Variants in ZNF264 observed in about 807,000 individuals in gnomAD.
ZNF264 encodes zinc finger protein 264.
In ZNF264, 11 loss-of-function variants were observed where a neutral mutation model predicts 11.2. The observed-to-expected ratio is 0.98, with a 90% CI of 0.62 to 1.63. The LOEUF (loss-of-function observed/expected upper bound fraction) is 1.63. Ranked by LOEUF, ZNF264 falls within the 40% of genes most tolerant of loss-of-function variation. The pLI, the probability that ZNF264 is intolerant of heterozygous loss-of-function variation, is 0.00. For missense variants in ZNF264, 752 were observed against 768.1 expected (o/e 0.98, Z 0.25); for synonymous variants, 309 against 279.8 (o/e 1.10, Z -1.04).
At chr19:57,199,760 G>A (rs1394278450) in intron 2 of ZNF264, among the ~76,000 whole-genome samples, 3 of 151,806 alleles carry the variant, frequency 2.0e-5, no homozygotes, top group East Asian at 1.9e-4. Flanking sequence ...TGGGCCCATC[G>A]GGACTTTAGT....
intron 2 of ZNF264, among the ~76,000 whole-genome samples, chr19:57,195,428 A>T (rs1360915147): frequency 6.6e-6 from 1 of 152,242 alleles, no homozygotes; most frequent in Non-Finnish European, 1.5e-5. Context: ...CGTAGTTGGT[A>T]TTAATGACTA....
chr19:57,211,865 GAGGCCCTATGAGTGCATGGAGTGTGGAA>G lies in ZNF264; in HGVS notation c.774_801del (p.Tyr259SerfsTer119), dbSNP rs2087339214. 1 of 1,614,096 alleles carries G rather than the reference GAGGCCCTATGAGTGCATGGAGTGTGGAA, an allele frequency of 6.2e-7. No homozygotes were observed. The highest frequency in any genetic ancestry group is 1.7e-5 in the Admixed American group (1 of 60,002). ...AACATCACATGATCCACACTGGGGA[GAGGCCCTATGAGTGCATGGAGTGTGGAA>G]AGGCCTTCAACCGCAAGTCATACCT... On this transcript the variant is annotated frameshift_variant, in exon 4 of 4. Transcript: ENST00000263095. LOFTEE classifies it low-confidence loss of function (END_TRUNC).
In ZNF264 at chr19:57,212,564, A is replaced by G; in HGVS notation, c.1467A>G (p.Gly489=). The change falls in exon 4 of 4, where the codon GGA becomes GGG. Residue 489 remains glycine, a synonymous_variant. Coordinates refer to ENST00000263095, the MANE Select transcript of ZNF264 (RefSeq NM_003417.5). ...GEKPYECVEC[G]KAFTRMSGLT... ...AGCCCTATGAGTGCGTGGAGTGTGG[A>G]AAGGCCTTCACCCGCATGTCGGGCC... 6 of 1,614,028 alleles carry G rather than the reference A, an allele frequency of 3.7e-6. No individual in the cohort carries two copies. Among genetic ancestry groups the G allele is most frequent in the Non-Finnish European group, 5.1e-6 (6 of 1,179,990 alleles).
At chr19:57,201,116 A>T (rs2087250263) in intron 2 of ZNF264, among the ~76,000 whole-genome samples, 1 of 151,894 alleles carries the variant, frequency 6.6e-6, no homozygotes, top group South Asian at 2.1e-4. Flanking sequence ...ATAGTTTTTA[A>T]GACTAAATAA....
In ZNF264 at chr19:57,220,734, C is replaced by T. The variant is rs2087411084; in HGVS notation, c.*7753C>T. The T allele has an allele frequency of 6.6e-6, 1 of 152,256 alleles. No individual in the cohort carries two copies. Among genetic ancestry groups the T allele is most frequent in the Non-Finnish European group, 1.5e-5 (1 of 68,084 alleles). 9.4% of individuals were successfully genotyped at this position (152,256 alleles called of 1,614,324 possible). A position where few individuals can be genotyped will look rare whatever the true frequency, so the allele number is the denominator to read the frequency against. On this transcript the variant is annotated 3_prime_UTR_variant, in exon 4 of 4. Coordinates refer to ENST00000263095, the MANE Select transcript of ZNF264 (RefSeq NM_003417.5). ...CTCAGTTCACTGCAACCTCCATCCC[C>T]CCATGTTCAAGCAATTCTCCTGCCT...
chr19:57,222,141 G>C lies in ZNF264; in HGVS notation c.*9160G>C, dbSNP rs1183839585. On this transcript the variant is annotated 3_prime_UTR_variant, in exon 4 of 4. Transcript: ENST00000263095. ...AGGCGGGTGGATCACTTGAGGTCAGGAGTTTGAGACCAGCCTAGCCAACAT... is the reference window on the plus strand; with the variant it reads ...AGGCGGGTGGATCACTTGAGGTCAGCAGTTTGAGACCAGCCTAGCCAACAT... 6.6e-6 allele frequency: 1 copy of C among 152,020 alleles called. No homozygotes were observed. The highest frequency in any genetic ancestry group is 1.5e-5 in the Non-Finnish European group (1 of 68,022). The allele number at this position is 152,020 out of a possible 1,614,324, so 9.4% of individuals were successfully genotyped here.
Position 57,217,452 on chromosome 19 carries a change from C to T in ZNF264, c.*4471C>T, listed in dbSNP as rs1264567057. The T allele has an allele frequency of 6.6e-6, 1 of 152,148 alleles. No individual in the cohort carries two copies. The highest frequency in any genetic ancestry group is 1.5e-5 in the Non-Finnish European group (1 of 68,042). 9.4% of individuals were successfully genotyped at this position (152,148 alleles called of 1,614,324 possible). A position where few individuals can be genotyped will look rare whatever the true frequency, so the allele number is the denominator to read the frequency against. ...CTTTTTTTTGAGACCAAGTCTCACT[C>T]TGTCACCCACGCTGGAGTGCTGTGA... On this transcript the variant is annotated 3_prime_UTR_variant, in exon 4 of 4. Coordinates refer to ENST00000263095, the MANE Select transcript of ZNF264 (RefSeq NM_003417.5).
chr19:57,193,290 A>T (rs1304457384), intron 1 of ZNF264, among the ~76,000 whole-genome samples: 1 of 152,228 alleles, frequency 6.6e-6, no homozygotes, highest in Non-Finnish European at 1.5e-5. Context: ...AGGGACTGTG[A>T]AAGGATTAAT....
intron 1 of ZNF264, 102 bp from the exon 2 acceptor site, chr19:57,193,773 A>G (rs1013152248): frequency 2.6e-6 from 4 of 1,515,596 alleles, no homozygotes; most frequent in South Asian, 2.5e-5. Context: ...GTGCTCTGTG[A>G]TTCAGGCCGC....
At chr19:57,199,923 T>C (rs888146186) in intron 2 of ZNF264, among the ~76,000 whole-genome samples, 3 of 151,544 alleles carry the variant, frequency 2.0e-5, no homozygotes, top group African/African-American at 7.3e-5. Flanking sequence ...GATGGCAGCA[T>C]GGGTCGGGGA....
chr19:57,199,947 C>T (rs1257390875), intron 2 of ZNF264, among the ~76,000 whole-genome samples: 1 of 151,226 alleles, frequency 6.6e-6, no homozygotes, highest in Non-Finnish European at 1.5e-5. Flanking sequence ...GATGTTGCCA[C>T]TATTGGGGAT....
intron 3 of ZNF264, among the ~76,000 whole-genome samples, chr19:57,205,723 G>A (rs1204476929): frequency 1.3e-5 from 2 of 152,216 alleles, no homozygotes; most frequent in Non-Finnish European, 2.9e-5. Flanking sequence ...GAAGAAGTGA[G>A]ATTTAAGAAC....
rs1178347076 is a variant in ZNF264 at position 57,217,412 on chromosome 19, G to A, written c.*4431G>A. ...AAAATTGAGCGCTATGTTGCAAGAT[G>A]TAATTTTTCTTTTCCTTTTTTTTGA... On this transcript the variant is annotated 3_prime_UTR_variant, in exon 4 of 4. Transcript: ENST00000263095. 3 of 152,056 alleles carry A rather than the reference G, an allele frequency of 2.0e-5. No homozygotes were observed. The highest frequency in any genetic ancestry group is 4.4e-5 in the Non-Finnish European group (3 of 68,000). The allele number at this position is 152,056 out of a possible 1,614,324, so 9.4% of individuals were successfully genotyped here.
At chr19:57,194,849 C>T in intron 2 of ZNF264, 1 of 400,188 alleles carries the variant, frequency 2.5e-6, no homozygotes, top group Non-Finnish European at 4.4e-6. Flanking sequence ...AATCCCAGAG[C>T]ACACTGAGCA....
rs1038806540 is a variant in ZNF264, at chr19:57,215,561, C to G, written c.*2580C>G. The G allele has an allele frequency of 6.6e-6, 1 of 152,062 alleles. No homozygotes were observed. The highest frequency in any genetic ancestry group is 2.4e-5 in the African/African-American group (1 of 41,412). 9.4% of individuals were successfully genotyped at this position (152,062 alleles called of 1,614,324 possible). A position where few individuals can be genotyped will look rare whatever the true frequency, so the allele number is the denominator to read the frequency against. Reference sequence around the variant, plus strand: ...TTTCTGCTCTGATCGGTATTATATTCCACTTGCTTTGGTTGTATTTGGCTC... The same window carrying G: ...TTTCTGCTCTGATCGGTATTATATTGCACTTGCTTTGGTTGTATTTGGCTC... On this transcript the variant is annotated 3_prime_UTR_variant, in exon 4 of 4. Coordinates refer to ENST00000263095, the MANE Select transcript of ZNF264 (RefSeq NM_003417.5).
intron 2 of ZNF264, among the ~76,000 whole-genome samples, chr19:57,196,380 T>C (rs1451450739): frequency 6.6e-6 from 1 of 151,998 alleles, no homozygotes; most frequent in Non-Finnish European, 1.5e-5. Flanking sequence ...GACAGACCTC[T>C]GCCCTTTCCA....
intron 2 of ZNF264, among the ~76,000 whole-genome samples, chr19:57,197,605 T>G (rs1175237440): frequency 6.6e-6 from 1 of 151,914 alleles, no homozygotes; most frequent in East Asian, 1.9e-4. Context: ...CAGAGCCTTC[T>G]CCTGTTCTGG....
chr19:57,197,120 A>G (rs1198290192), intron 2 of ZNF264, among the ~76,000 whole-genome samples: 1 of 151,920 alleles, frequency 6.6e-6, no homozygotes, highest in Non-Finnish European at 1.5e-5. Context: ...GGAACTTCCC[A>G]TGAGGCCATC....
intron 2 of ZNF264, among the ~76,000 whole-genome samples, chr19:57,197,964 T>C (rs2089875000): frequency 6.6e-6 from 1 of 152,010 alleles, no homozygotes; most frequent in South Asian, 2.1e-4. Context: ...ATAAATGTAA[T>C]GGACCAATGT....
Sources: gnomAD v4.1 joint callset for allele counts (sites outside exome capture counted in the v4.1 genomes callset) on GRCh38, gnomAD v4.1.1 for gene constraint, MANE v1.5 for transcripts, NCBI Gene and HGNC (gene_info 2026-07-23, HGNC 2026-07-21) for gene names.